CTNNA3: variants seen among roughly 807,000 people sequenced by gnomAD.
CTNNA3 encodes the protein catenin alpha-3.
In CTNNA3, 76 loss-of-function variants were observed where a neutral mutation model predicts 95.7. The ratio of observed to expected loss-of-function variants is 0.79; its 90% CI spans 0.66 to 0.96. CTNNA3 has a LOEUF of 0.96. CTNNA3 is among the 40% of genes least tolerant of loss of function. The pLI is 0.00. For synonymous variants in CTNNA3, 431 were observed against 374.4 expected, an observed-to-expected ratio of 1.15 and a Z score of -1.74; for missense variants, 1,191 against 1,089.8, an observed-to-expected ratio of 1.09 and a Z score of -1.31.
At chr10:66,712,651 A>G (rs937255069) in intron 9 of CTNNA3, among the ~76,000 whole-genome samples, 17 of 149,768 alleles carry the variant, frequency 1.1e-4, no homozygotes, top group African/African-American at 3.2e-4. Context: ...ATCAACTTTC[A>G]TTGGCTTACT....
At position 66,444,602 on chromosome 10, in the gene CTNNA3, T is replaced by C. The variant is rs12763520; in HGVS notation, c.1532-65250A>G. ...CTTCATAAGTGAAGGAGAAATAAAA[T>C]ACTTTACAGACAAGCAAATGCTGAG... On this transcript the variant is annotated intron_variant, in intron 11 of 17. Transcript: ENST00000433211. Among the ~76,000 whole-genome samples, 1,276 of 152,062 alleles carry C rather than the reference T, an allele frequency of 8.4e-3. 13 individuals carry two copies. Among genetic ancestry groups the C allele is most frequent in the Non-Finnish European group, 0.014 (938 of 67,954 alleles).
At chr10:67,045,391 T>G (rs1854664605) in intron 7 of CTNNA3, among the ~76,000 whole-genome samples, 1 of 152,118 alleles carries the variant, frequency 6.6e-6, no homozygotes, top group Admixed American at 6.5e-5. Flanking sequence ...TAAAAAAAAT[T>G]TATTCATTTT....
intron 7 of CTNNA3, among the ~76,000 whole-genome samples, chr10:67,117,623 A>T (rs943471416): frequency 6.6e-6 from 1 of 152,090 alleles, no homozygotes; most frequent in Non-Finnish European, 1.5e-5. Flanking sequence ...AATTTTTTTA[A>T]AAAATGAACA....
intron 3 of CTNNA3, among the ~76,000 whole-genome samples, chr10:67,540,161 A>T (rs562183627): frequency 2.3e-4 from 35 of 152,278 alleles, no homozygotes; most frequent in Admixed American, 1.1e-3. Flanking sequence ...TCACAGAAAT[A>T]GTACTTCATA....
At chr10:66,946,266 T>C (rs1036641391) in intron 7 of CTNNA3, among the ~76,000 whole-genome samples, 6 of 152,186 alleles carry the variant, frequency 3.9e-5, no homozygotes, top group African/African-American at 1.4e-4. Context: ...AATTATCTTA[T>C]TCTTTGGAAA....
At chr10:66,364,666 G>T (rs1283874746) in intron 12 of CTNNA3, among the ~76,000 whole-genome samples, 3 of 152,086 alleles carry the variant, frequency 2.0e-5, no homozygotes, top group African/African-American at 7.2e-5. Flanking sequence ...GTAAAATAAT[G>T]TACAGAGGAA....
At chr10:67,191,052 T>A (rs545118980) in intron 6 of CTNNA3, among the ~76,000 whole-genome samples, 2 of 152,138 alleles carry the variant, frequency 1.3e-5, no homozygotes, top group Non-Finnish European at 2.9e-5. Context: ...TACACATCTA[T>A]TAGAATGGCC....
At chr10:66,734,475 G>A (rs1849066263) in intron 9 of CTNNA3, among the ~76,000 whole-genome samples, 1 of 152,060 alleles carries the variant, frequency 6.6e-6, no homozygotes, top group South Asian at 2.1e-4. Context: ...TATTTTGTTG[G>A]TGGTGCTGGT....
At chr10:66,478,912 G>A (rs898392124) in intron 11 of CTNNA3, among the ~76,000 whole-genome samples, 3 of 151,632 alleles carry the variant, frequency 2.0e-5, no homozygotes, top group African/African-American at 4.8e-5. Context: ...TCAATTTTAA[G>A]GTAGATGAAT....
chr10:66,882,471 T>C (rs1392017648), intron 7 of CTNNA3, among the ~76,000 whole-genome samples: 1 of 152,136 alleles, frequency 6.6e-6, no homozygotes, highest in African/African-American at 2.4e-5. Context: ...CCATCTGCTA[T>C]GTGCACCATT....
chr10:66,643,908 T>C (rs1845602462), intron 9 of CTNNA3, among the ~76,000 whole-genome samples: 1 of 152,142 alleles, frequency 6.6e-6, no homozygotes, highest in South Asian at 2.1e-4. Flanking sequence ...GTGTAACAGC[T>C]CTAGTAGAGA....
intron 12 of CTNNA3, among the ~76,000 whole-genome samples, chr10:66,323,283 T>G (rs1159517107): frequency 6.6e-6 from 1 of 152,028 alleles, no homozygotes; most frequent in Non-Finnish European, 1.5e-5. Flanking sequence ...CATCAAGGGT[T>G]GTATTTAATA....
intron 11 of CTNNA3, among the ~76,000 whole-genome samples, chr10:66,420,838 T>TAAATAAA (rs905152645): frequency 3.9e-4 from 32 of 82,998 alleles, no homozygotes; most frequent in Non-Finnish European, 5.8e-4. Context: ...AATAAATAAA[T>TAAATAAA]AAAAAACAAT....
intron 12 of CTNNA3, among the ~76,000 whole-genome samples, chr10:66,340,153 C>G (rs1034351008): frequency 6.6e-6 from 1 of 151,824 alleles, no homozygotes; most frequent in East Asian, 1.9e-4. Context: ...TCACCATATA[C>G]TCAAGAAACT....
chr10:67,690,915 C>G (rs1840834863), intron 1 of CTNNA3, among the ~76,000 whole-genome samples: 1 of 152,098 alleles, frequency 6.6e-6, no homozygotes, highest in South Asian at 2.1e-4. Flanking sequence ...CTCTCCCTCT[C>G]TTTCCACGGT....
intron 5 of CTNNA3, among the ~76,000 whole-genome samples, chr10:67,443,509 C>A (rs1487431272): frequency 6.6e-6 from 1 of 152,040 alleles, no homozygotes; most frequent in South Asian, 2.1e-4. Context: ...GAGATGATAT[C>A]TCATTGTGGT....
intron 13 of CTNNA3, among the ~76,000 whole-genome samples, chr10:66,214,902 C>T (rs1159567940): frequency 6.6e-6 from 1 of 151,912 alleles, no homozygotes; most frequent in African/African-American, 2.4e-5. Context: ...AGCTCTCAAC[C>T]CAATTCCCTA....
In CTNNA3 at chr10:67,219,688, A is replaced by T; in HGVS notation, c.762T>A (p.Asn254Lys). Residue 254 changes from asparagine (N) to lysine (K), a missense_variant, in exon 6 of 18, where the codon AAT becomes AAA. Transcript: ENST00000433211. ...TCATATTCTGGATCCCTTGTGAAGCATTTGAAATTACATTGAGAGCATTCT... is the reference window on the plus strand; with the variant it reads ...TCATATTCTGGATCCCTTGTGAAGCTTTTGAAATTACATTGAGAGCATTCT... ...EIQNALNVIS[N>K]ASQGIQNMTT... The T allele has an allele frequency of 6.2e-7, 1 of 1,614,164 alleles. No homozygotes were observed. Among genetic ancestry groups the T allele is most frequent in the Non-Finnish European group, 8.5e-7 (1 of 1,180,020 alleles).
At position 66,206,020 on chromosome 10, in the gene CTNNA3, C is replaced by T. The variant is rs181149394; in HGVS notation, c.1884+74450G>A. Among the ~76,000 whole-genome samples, 120 of 152,016 alleles carry T rather than the reference C, an allele frequency of 7.9e-4. 1 individual carries two copies. The highest frequency in any genetic ancestry group is 3.4e-3 in the Middle Eastern group (1 of 294). On this transcript the variant is annotated intron_variant, in intron 13 of 17. Transcript: ENST00000433211. Reference sequence around the variant, plus strand: ...GAAAAATCAGCAATATCATTACCCTCTAATTTGACCAAAAATTTAGTGGAT... The same window carrying T: ...GAAAAATCAGCAATATCATTACCCTTTAATTTGACCAAAAATTTAGTGGAT...
Sources: gnomAD v4.1 joint callset for allele counts (sites outside exome capture counted in the v4.1 genomes callset) on GRCh38, gnomAD v4.1.1 for gene constraint, MANE v1.5 for transcripts, NCBI Gene and HGNC (gene_info 2026-07-23, HGNC 2026-07-21) for gene names.